PCDHA10: variants seen among roughly 807,000 people sequenced by gnomAD.
The protein encoded by PCDHA10 is protocadherin alpha 10.
Under a neutral mutation model 61.2 loss-of-function variants are expected in PCDHA10, and 45 were observed. That is an observed-to-expected ratio of 0.74 (90% CI 0.58 to 0.94). The LOEUF (loss-of-function observed/expected upper bound fraction) is 0.94, where lower values mean the gene tolerates loss of function less well. PCDHA10 is among the 40% of genes least tolerant of loss of function. The pLI, the probability that PCDHA10 is intolerant of heterozygous loss-of-function variation, is 0.00. For synonymous variants in PCDHA10, 602 were observed against 548.8 expected (o/e 1.10, Z -1.35); for missense variants, 1,278 against 1,236.2 (o/e 1.03, Z -0.51).
At position 140,954,715 on chromosome 5, in the gene PCDHA10, G is replaced by A. The variant is rs189929573; in HGVS notation, c.2389-24234G>A. Among the ~76,000 whole-genome samples, 246 of 152,208 alleles carry A rather than the reference G, an allele frequency of 1.6e-3. 8 individuals carry two copies. Among genetic ancestry groups the A allele is most frequent in the Middle Eastern group, 3.4e-3 (1 of 294 alleles). ...GACTACAAAATTTTTCTCCCATTCT[G>A]TAGGTTGTCTTTTCACTCTGATGAT... On this transcript the variant is annotated intron_variant, in intron 1 of 3. Coordinates refer to ENST00000307360, the MANE Select transcript of PCDHA10 (RefSeq NM_018901.4).
chr5:140,991,253 C>T (rs912017745), intron 3 of PCDHA10, among the ~76,000 whole-genome samples: 1 of 152,178 alleles, frequency 6.6e-6, no homozygotes, highest in East Asian at 1.9e-4. Context: ...AGTATTTGAA[C>T]TCATGTCTGC....
chr5:140,904,828 A>G (rs1196362639), intron 1 of PCDHA10, among the ~76,000 whole-genome samples: 7 of 151,794 alleles, frequency 4.6e-5, no homozygotes, highest in African/African-American at 1.7e-4. Flanking sequence ...GCATTTTTTT[A>G]TATGTTTCAT....
At position 140,857,834 on chromosome 5, in the gene PCDHA10, G is replaced by A; in HGVS notation, c.1786G>A (p.Val596Met). 1.9e-6 allele frequency: 3 copies of A among 1,597,844 alleles called. 1 individual carries two copies. The highest frequency in any genetic ancestry group is 1.7e-6 in the Non-Finnish European group (2 of 1,167,630). The stretch of plus-strand genomic sequence containing the variant: ...TCACGTGGTGGCTAAGGTGCGCGCA[G>A]TGGACGCTGACTCTGGATACAACGC... ...AGHVVAKVRA[V>M]DADSGYNAWL... Residue 596 changes from valine (V) to methionine (M), a missense_variant, in exon 1 of 4, where the codon GTG (valine) becomes ATG (methionine). Transcript: ENST00000307360.
At position 140,856,162 on chromosome 5, in the gene PCDHA10, C is replaced by T. The variant is rs782071685; in HGVS notation, c.114C>T (p.Ala38=). The change falls in exon 1 of 4, where the codon GCC becomes GCT. Residue 38 remains alanine (A), a synonymous_variant. Coordinates refer to ENST00000307360, the MANE Select transcript of PCDHA10 (RefSeq NM_018901.4). ...TCCACTACTCAGTCTACGAGGAGGC[C>T]AGACACGGCACCTTCGTGGGCCGCA... ...GQLHYSVYEE[A]RHGTFVGRIA... is the part of the protein sequence containing the mutation. The T allele has an allele frequency of 4.4e-6, 7 of 1,598,320 alleles. No individual in the cohort carries two copies. The highest frequency in any genetic ancestry group is 6.0e-6 in the Non-Finnish European group (7 of 1,167,892).
At chr5:140,966,968 G>T in intron 1 of PCDHA10, 1 of 1,602,616 alleles carries the variant, frequency 6.2e-7, no homozygotes. Context: ...GCTGGGGCTT[G>T]AGCTGCGGCG....
intron 1 of PCDHA10, among the ~76,000 whole-genome samples, chr5:140,935,942 G>A (rs2090659965): frequency 6.8e-6 from 1 of 147,088 alleles, no homozygotes; most frequent in Non-Finnish European, 1.5e-5. Flanking sequence ...GCCCAGGCTG[G>A]AGTAAAGTGG....
Position 140,966,881 on chromosome 5 carries a change from C to T in PCDHA10, c.2389-12068C>T, listed in dbSNP as rs2096065304. 4.4e-6 allele frequency: 7 copies of T among 1,588,952 alleles called. No individual in the cohort carries two copies. In the South Asian group the frequency reaches 6.7e-5, roughly 15 times the overall value. ...GCTGTTGCTGCTGCTGCTACCTGGC[C>T]CTGCGGCCTCCCAGCTGCGATACTC... On this transcript the variant is annotated intron_variant, in intron 1 of 3. Coordinates refer to ENST00000307360, the MANE Select transcript of PCDHA10 (RefSeq NM_018901.4).
chr5:140,969,587 T>G, intron 1 of PCDHA10: 1 of 850,882 alleles, frequency 1.2e-6, no homozygotes, highest in Non-Finnish European at 1.8e-6. Context: ...AGGATTAGTC[T>G]TAATATTTAA....
chr5:140,933,166 T>C (rs1447932546), intron 1 of PCDHA10, among the ~76,000 whole-genome samples: 1 of 152,002 alleles, frequency 6.6e-6, no homozygotes, highest in African/African-American at 2.4e-5. Context: ...CCAATTTTAA[T>C]TGATGGCATA....
chr5:140,928,146 A>G, intron 1 of PCDHA10: 1 of 1,614,222 alleles, frequency 6.2e-7, no homozygotes, highest in African/African-American at 1.3e-5. Flanking sequence ...TCACGGCCTC[A>G]GATAGTGGCT....
chr5:141,008,286 A>G (rs944894226), intron 3 of PCDHA10, among the ~76,000 whole-genome samples: 1 of 152,248 alleles, frequency 6.6e-6, no homozygotes, highest in Admixed American at 6.5e-5. Flanking sequence ...TTGAAATAGC[A>G]GTTGTACCCA....
rs2044359336 is a variant in PCDHA10 at position 140,857,099 on chromosome 5, G to A, written c.1051G>A (p.Val351Ile). The change falls in exon 1 of 4, where the codon GTC becomes ATC. Residue 351 changes from valine to isoleucine, a missense_variant. By Grantham distance (29) the Val-to-Ile change is conservative. Transcript: ENST00000307360. ...AAATGATAATTCACCTGAGGTGATT[G>A]TCACTTCTCTGTCTCTCCCAGTGAA... ...DENDNSPEVIVTSLSLPVKED... is the reference protein window; with the variant it reads ...DENDNSPEVIITSLSLPVKED... 2 of 1,597,238 alleles carry A rather than the reference G, an allele frequency of 1.3e-6. No homozygotes were observed. The highest frequency in any genetic ancestry group is 3.4e-5 in the Admixed American group (2 of 59,246).
intron 1 of PCDHA10, among the ~76,000 whole-genome samples, chr5:140,958,345 C>G (rs1220590485): frequency 6.6e-6 from 1 of 152,044 alleles, no homozygotes; most frequent in African/African-American, 2.4e-5. Flanking sequence ...ACAGGAAGTT[C>G]ACAGTCTGAC....
At chr5:140,993,462 T>TCACACACA (rs3836747) in intron 3 of PCDHA10, among the ~76,000 whole-genome samples, 2,160 of 141,010 alleles carry the variant, frequency 0.015, 29 homozygotes, top group Admixed American at 0.024. Flanking sequence ...TCTTTCTTTC[T>TCACACACA]CACACACACA....
intron 1 of PCDHA10, chr5:140,861,554 C>A (rs1023234694): frequency 1.8e-5 from 7 of 398,878 alleles, no homozygotes; most frequent in Non-Finnish European, 2.6e-5. Flanking sequence ...TGGAAGTGAT[C>A]GTGGACAAGC....
At chr5:141,006,181 G>A (rs960173277) in intron 3 of PCDHA10, among the ~76,000 whole-genome samples, 1 of 150,918 alleles carries the variant, frequency 6.6e-6, no homozygotes, top group Non-Finnish European at 1.5e-5. Flanking sequence ...TTTTAAAAGA[G>A]TTTGCTATAT....
chr5:140,937,790 T>G (rs2091754196), intron 1 of PCDHA10, among the ~76,000 whole-genome samples: 1 of 151,512 alleles, frequency 6.6e-6, no homozygotes, highest in Non-Finnish European at 1.5e-5. Flanking sequence ...CGGGCGTATG[T>G]AGTCCCAGCT....
intron 1 of PCDHA10, among the ~76,000 whole-genome samples, chr5:140,923,974 C>A (rs2081604148): frequency 6.6e-6 from 1 of 152,212 alleles, no homozygotes; most frequent in African/African-American, 2.4e-5. Flanking sequence ...CCCACACATA[C>A]TATCCCTCTA....
chr5:140,873,634 G>C (rs1040264226), intron 1 of PCDHA10, among the ~76,000 whole-genome samples: 1 of 152,158 alleles, frequency 6.6e-6, no homozygotes, highest in Non-Finnish European at 1.5e-5. Flanking sequence ...AGGTCAAAGA[G>C]TATGTGAGAA....
Sources: allele counts gnomAD v4.1 joint callset (sites outside exome capture counted in the v4.1 genomes callset), GRCh38; gene constraint gnomAD v4.1.1; transcripts MANE v1.5; gene names NCBI Gene and HGNC (gene_info 2026-07-23, HGNC 2026-07-21).